The following PPP4R2 variants were observed in gnomAD, a reference collection of about 807,000 sequenced individuals.
The protein encoded by PPP4R2 is serine/threonine-protein phosphatase 4 regulatory subunit 2.
PPP4R2 carries 13 observed loss-of-function variants against 47.2 expected under a neutral mutation model. That is an observed-to-expected ratio of 0.28 (90% CI 0.18 to 0.44). PPP4R2 has a LOEUF of 0.44. Ranked by LOEUF, PPP4R2 falls within the 20% of genes least tolerant of loss-of-function variation. The pLI, the probability that PPP4R2 is intolerant of heterozygous loss-of-function variation, is 1.00. For missense variants in PPP4R2, 421 were observed against 491.2 expected, an observed-to-expected ratio of 0.86 and a Z score of 1.35; for synonymous variants, 151 against 163.3, an observed-to-expected ratio of 0.92 and a Z score of 0.57.
chr3:72,997,220 G>A (rs1442011604), intron 1 of PPP4R2, 149 bp downstream of exon 1: 2 of 530,736 alleles, frequency 3.8e-6, no homozygotes, highest in Non-Finnish European at 3.0e-6. Flanking sequence ...CTCCCCAGGG[G>A]CGGGGAGCCC....
chr3:73,029,220 C>T (rs1042512665), intron 2 of PPP4R2, among the ~76,000 whole-genome samples: 3 of 152,166 alleles, frequency 2.0e-5, no homozygotes, highest in Non-Finnish European at 2.9e-5. Context: ...GGATTACAGG[C>T]GTGAGCCACT....
At chr3:72,999,936 A>G (rs1464446714) in intron 2 of PPP4R2, among the ~76,000 whole-genome samples, 6 of 152,246 alleles carry the variant, frequency 3.9e-5, no homozygotes, top group African/African-American at 1.2e-4. Flanking sequence ...AACATGGCAT[A>G]TCTTTGATAC....
chr3:73,066,146 A>C lies in PPP4R2; in HGVS notation c.*424A>C, dbSNP rs577583441. On this transcript the variant is annotated 3_prime_UTR_variant, in exon 9 of 9. Coordinates refer to ENST00000356692, the MANE Select transcript of PPP4R2 (RefSeq NM_174907.4). The stretch of plus-strand genomic sequence containing the variant: ...GTTTTCATATTTTGGTCATAGTTTC[A>C]ACATTTTAACATGTGAATTATAGGG... The C allele has an allele frequency of 1.5e-4, 22 of 150,290 alleles. No individual in the cohort carries two copies. Among genetic ancestry groups the C allele is most frequent in the African/African-American group, 5.1e-4 (21 of 41,182 alleles). 9.3% of individuals were successfully genotyped at this position (150,290 alleles called of 1,614,324 possible). A position where few individuals can be genotyped will look rare whatever the true frequency, so the allele number is the denominator to read the frequency against.
chr3:73,028,728 G>A (rs1314452246), intron 2 of PPP4R2, among the ~76,000 whole-genome samples: 1 of 152,076 alleles, frequency 6.6e-6, no homozygotes, highest in Admixed American at 6.6e-5. Context: ...ACTTTTGTGA[G>A]CCACTGCGCC....
chr3:73,016,855 G>A (rs1575848759), intron 2 of PPP4R2, among the ~76,000 whole-genome samples: 1 of 119,038 alleles, frequency 8.4e-6, no homozygotes, highest in Non-Finnish European at 1.6e-5. Flanking sequence ...GTCTCACTCT[G>A]TCGCCCAGGC....
At chr3:73,062,328 AACAG>A (rs988326491) in intron 5 of PPP4R2, 2 of 1,604,548 alleles carry the variant, frequency 1.2e-6, no homozygotes, top group African/African-American at 1.4e-5. Context: ...ATCTGGGAAA[AACAG>A]ACAGTATCCA....
chr3:73,063,458 T>C, intron 5 of PPP4R2: 1 of 433,866 alleles, frequency 2.3e-6, no homozygotes, highest in Non-Finnish European at 4.2e-6. Flanking sequence ...ACCCCGTCTC[T>C]ACTAAAAATA....
intron 2 of PPP4R2, among the ~76,000 whole-genome samples, chr3:73,011,826 T>A (rs568434231): frequency 2.6e-5 from 4 of 152,322 alleles, no homozygotes; most frequent in Admixed American, 6.5e-5. Flanking sequence ...GCATCTTGGA[T>A]TTGTTATTCT....
At chr3:73,020,911 A>G (rs1024765574) in intron 2 of PPP4R2, among the ~76,000 whole-genome samples, 4 of 152,018 alleles carry the variant, frequency 2.6e-5, no homozygotes, top group African/African-American at 7.2e-5. Flanking sequence ...TAATCCGATT[A>G]TGAGGGCTCC....
At chr3:73,045,082 C>G (rs1702455376) in intron 2 of PPP4R2, among the ~76,000 whole-genome samples, 2 of 152,184 alleles carry the variant, frequency 1.3e-5, no homozygotes, top group Non-Finnish European at 2.9e-5. Flanking sequence ...CAGCCTCTAC[C>G]TCCTGGGCTC....
intron 2 of PPP4R2, among the ~76,000 whole-genome samples, chr3:73,032,571 G>C (rs1446169765): frequency 1.3e-5 from 2 of 152,164 alleles, no homozygotes; most frequent in Non-Finnish European, 2.9e-5. Flanking sequence ...ACAGGCGTGA[G>C]CCACCGTGCC....
At chr3:73,053,167 G>T (rs1299281872) in intron 3 of PPP4R2, among the ~76,000 whole-genome samples, 1 of 152,134 alleles carries the variant, frequency 6.6e-6, no homozygotes, top group Non-Finnish European at 1.5e-5. Flanking sequence ...AATTATTTGT[G>T]TCAGTGTTTG....
chr3:73,043,740 G>T (rs1023091081), intron 2 of PPP4R2, among the ~76,000 whole-genome samples: 6 of 152,140 alleles, frequency 3.9e-5, no homozygotes, highest in Non-Finnish European at 1.5e-5. Context: ...TCTTTGTGGG[G>T]AAATACCTAT....
At chr3:73,052,090 A>C (rs1300635338) in intron 3 of PPP4R2, among the ~76,000 whole-genome samples, 1 of 152,188 alleles carries the variant, frequency 6.6e-6, no homozygotes, top group Non-Finnish European at 1.5e-5. Flanking sequence ...CAAGTATGGA[A>C]TGACTAGGTG....
intron 2 of PPP4R2, among the ~76,000 whole-genome samples, chr3:73,008,947 T>C (rs1413455575): frequency 1.3e-5 from 2 of 152,188 alleles, no homozygotes; most frequent in African/African-American, 2.4e-5. Flanking sequence ...TGTGTAAATA[T>C]AGGTAATAAA....
At chr3:73,007,894 A>G (rs1162964015) in intron 2 of PPP4R2, among the ~76,000 whole-genome samples, 1 of 151,756 alleles carries the variant, frequency 6.6e-6, no homozygotes, top group East Asian at 1.9e-4. Context: ...TACTACCTTT[A>G]TGAATTTTTC....
intron 2 of PPP4R2, among the ~76,000 whole-genome samples, chr3:73,002,254 T>TA (rs1167099385): frequency 6.6e-6 from 1 of 152,144 alleles, no homozygotes. Flanking sequence ...TTCCTTGTTT[T>TA]AAAAAAATGT....
At chr3:73,037,601 T>C (rs1702290850) in intron 2 of PPP4R2, among the ~76,000 whole-genome samples, 1 of 152,218 alleles carries the variant, frequency 6.6e-6, no homozygotes, top group Non-Finnish European at 1.5e-5. Context: ...CATCACAAGC[T>C]AAAACCCTTT....
intron 2 of PPP4R2, among the ~76,000 whole-genome samples, chr3:73,028,549 C>A (rs946452196): frequency 1.3e-5 from 2 of 151,786 alleles, no homozygotes; most frequent in African/African-American, 4.8e-5. Flanking sequence ...CAAGCAATTC[C>A]CCTGCCTCAG....
Sources: allele counts gnomAD v4.1 joint callset (sites outside exome capture counted in the v4.1 genomes callset), GRCh38; gene constraint gnomAD v4.1.1; transcripts MANE v1.5; gene names NCBI Gene and HGNC (gene_info 2026-07-23, HGNC 2026-07-21).